CARMIL1: variants seen among roughly 807,000 people sequenced by gnomAD.
The protein encoded by CARMIL1 is F-actin-uncapping protein LRRC16A.
CARMIL1 carries 90 observed loss-of-function variants against 177.1 expected under a neutral mutation model. The observed-to-expected ratio is 0.51, with a 90% CI of 0.43 to 0.61. The LOEUF is 0.61. Ranked by LOEUF, CARMIL1 falls within the 20% of genes least tolerant of loss-of-function variation. CARMIL1 has a pLI of 0.00. For synonymous variants in CARMIL1, 577 were observed against 606.2 expected (o/e 0.95, Z 0.71); for missense variants, 1,380 against 1,667.0 (o/e 0.83, Z 3.00).
chr6:25,279,964 G>T lies in CARMIL1; in HGVS notation c.40+129G>T, dbSNP rs559977050. 32 of 1,096,724 alleles carry T rather than the reference G, an allele frequency of 2.9e-5. No homozygotes were observed. In the East Asian group the frequency reaches 7.6e-4, roughly 26 times the overall value. 67.9% of individuals were successfully genotyped at this position (1,096,724 alleles called of 1,614,324 possible). On this transcript the variant is annotated intron_variant, in intron 1 of 36. Coordinates refer to ENST00000329474, the MANE Select transcript of CARMIL1 (RefSeq NM_017640.6). ...GCCCCTTAGGGCAGAGTGGTGTTGGGCAGGGTCACTGGGGGTGCCGGGAAG... is the reference window on the plus strand; with the variant it reads ...GCCCCTTAGGGCAGAGTGGTGTTGGTCAGGGTCACTGGGGGTGCCGGGAAG...
chr6:25,430,794 C>A (rs889798675), intron 4 of CARMIL1, among the ~76,000 whole-genome samples: 1 of 152,066 alleles, frequency 6.6e-6, no homozygotes, highest in African/African-American at 2.4e-5. Flanking sequence ...ATTTATATTT[C>A]TTTTCTTGAA....
At chr6:25,316,513 G>C (rs4712907) in intron 2 of CARMIL1, among the ~76,000 whole-genome samples, 31,392 of 151,304 alleles carry the variant, frequency 0.21, 4,198 homozygotes, top group East Asian at 0.4. Flanking sequence ...GCGGGTTCAA[G>C]CGATTCTCCT....
At chr6:25,459,282 A>ATTTTTTT (rs1357546433) in intron 8 of CARMIL1, among the ~76,000 whole-genome samples, 1 of 18,258 alleles carries the variant, frequency 5.5e-5, no homozygotes, top group African/African-American at 1.6e-4. Flanking sequence ...TTTTTTTTTA[A>ATTTTTTT]GACAGGGTCT....
At chr6:25,290,205 C>T (rs1781830643) in intron 2 of CARMIL1, among the ~76,000 whole-genome samples, 1 of 152,080 alleles carries the variant, frequency 6.6e-6, no homozygotes, top group African/African-American at 2.4e-5. Context: ...AAGTGATCCT[C>T]CCACCTCAGC....
chr6:25,284,924 T>A lies in CARMIL1; in HGVS notation c.138+15T>A. ...ACAAAGTGCTGGTAAGTATTGCTGT[T>A]TATTTTTATTAAATGTTTGGAAATG... On this transcript the variant is annotated intron_variant, in intron 2 of 36. Transcript: ENST00000329474. 2.1e-6 allele frequency: 3 copies of A among 1,408,024 alleles called. No individual in the cohort carries two copies. Among genetic ancestry groups the A allele is most frequent in the Non-Finnish European group, 2.9e-6 (3 of 1,018,408 alleles). 87.2% of individuals were successfully genotyped at this position (1,408,024 alleles called of 1,614,324 possible). A position where few individuals can be genotyped will look rare whatever the true frequency, so the allele number is the denominator to read the frequency against.
At chr6:25,391,430 C>T (rs1471305777) in intron 2 of CARMIL1, among the ~76,000 whole-genome samples, 1 of 152,142 alleles carries the variant, frequency 6.6e-6, no homozygotes, top group Non-Finnish European at 1.5e-5. Flanking sequence ...GACAGGAGCC[C>T]TAAGGACCTT....
chr6:25,584,234 C>G (rs574367460), intron 31 of CARMIL1, among the ~76,000 whole-genome samples: 3 of 150,300 alleles, frequency 2.0e-5, no homozygotes, highest in South Asian at 4.3e-4. Flanking sequence ...GAGATGGGCT[C>G]TTGGTATGTT....
At chr6:25,451,908 A>G in intron 8 of CARMIL1, 1 of 572,896 alleles carries the variant, frequency 1.7e-6, no homozygotes, top group South Asian at 2.0e-5. Context: ...TTCCAGCTAT[A>G]TCATTTGTGC....
intron 16 of CARMIL1, among the ~76,000 whole-genome samples, chr6:25,497,197 G>C (rs141627886): frequency 1.0e-3 from 154 of 152,264 alleles, no homozygotes; most frequent in Non-Finnish European, 1.6e-3. Flanking sequence ...AAGTTCTCAG[G>C]TTTATGTGTG....
At chr6:25,466,697 T>C (rs1800629315) in intron 9 of CARMIL1, among the ~76,000 whole-genome samples, 2 of 152,154 alleles carry the variant, frequency 1.3e-5, no homozygotes, top group Non-Finnish European at 2.9e-5. Context: ...ACATCAGACT[T>C]GGAATGAGAC....
rs540422316 is a variant in CARMIL1, at chr6:25,598,300, G to A, written c.3120-2014G>A. Among the ~76,000 whole-genome samples, 47 of 151,946 alleles carry A rather than the reference G, an allele frequency of 3.1e-4. 1 individual carries two copies. Among genetic ancestry groups the A allele is most frequent in the South Asian group, 1.5e-3 (7 of 4,800 alleles). ...GTCACCCAGGCTATAGTGCAGTGGC[G>A]TGATCATGGCTCACTGCAACTTTGA... is the stretch of plus-strand genomic sequence containing the variant. On this transcript the variant is annotated intron_variant, in intron 32 of 36. Transcript: ENST00000329474.
intron 11 of CARMIL1, among the ~76,000 whole-genome samples, chr6:25,475,524 C>A (rs1343098340): frequency 6.6e-6 from 1 of 152,038 alleles, no homozygotes; most frequent in Non-Finnish European, 1.5e-5. Context: ...ATGTTTGTAG[C>A]AGTATTAGTT....
Position 25,517,604 on chromosome 6 carries a change from A to G in CARMIL1, c.1874+189A>G, listed in dbSNP as rs111299971. ...AATTTCTCCTGGTGGGAGTTTCCTT[A>G]TGTATGAAATGAGGGCACAGATGCC... On this transcript the variant is annotated intron_variant, in intron 22 of 36. Coordinates refer to ENST00000329474, the MANE Select transcript of CARMIL1 (RefSeq NM_017640.6). 4.1e-3 allele frequency among the ~76,000 whole-genome samples: 626 copies of G among 152,278 alleles called. 5 individuals carry two copies. Among genetic ancestry groups the G allele is most frequent in the African/African-American group, 0.014 (585 of 41,548 alleles).
chr6:25,287,354 T>C (rs1461241162), intron 2 of CARMIL1: 2 of 152,244 alleles, frequency 1.3e-5, no homozygotes, highest in African/African-American at 4.8e-5. Context: ...TTTATACTAT[T>C]TCTAGCTTAT....
intron 2 of CARMIL1, among the ~76,000 whole-genome samples, chr6:25,378,281 A>G (rs1358512317): frequency 6.6e-6 from 1 of 152,158 alleles, no homozygotes; most frequent in Non-Finnish European, 1.5e-5. Context: ...GACAGTTGAC[A>G]CTCAGAACTC....
chr6:25,322,153 C>T (rs892276248), intron 2 of CARMIL1, among the ~76,000 whole-genome samples: 7 of 151,936 alleles, frequency 4.6e-5, no homozygotes, highest in Non-Finnish European at 8.8e-5. Context: ...GACAGAGTCT[C>T]GCTCTGTCAC....
intron 23 of CARMIL1, chr6:25,527,606 C>A: frequency 2.6e-6 from 1 of 388,256 alleles, no homozygotes; most frequent in Non-Finnish European, 5.0e-6. Flanking sequence ...GAGATGACTT[C>A]TTGGGAAGCA....
Position 25,580,984 on chromosome 6 carries a change from G to T in CARMIL1, c.2803G>T (p.Ala935Ser). 5 of 1,596,722 alleles carry T rather than the reference G, an allele frequency of 3.1e-6. No individual in the cohort carries two copies. Among genetic ancestry groups the T allele is most frequent in the Non-Finnish European group, 4.3e-6 (5 of 1,170,928 alleles). ...HSRMLRPVSRAFEMEFDLDKA... is the reference protein window; with the variant it reads ...HSRMLRPVSRSFEMEFDLDKA... The stretch of plus-strand genomic sequence containing the variant: ...CCGAATGCTGCGGCCTGTTTCTAGG[G>T]CTTTTGGTAAGTGTTTTGCTGCTGC... The change falls in exon 30 of 37, where the codon GCT (alanine) becomes TCT (serine). Residue 935 changes from alanine (A) to serine (S), a missense_variant. Transcript: ENST00000329474.
chr6:25,297,988 T>C (rs561685908), intron 2 of CARMIL1, among the ~76,000 whole-genome samples: 86 of 152,368 alleles, frequency 5.6e-4, no homozygotes, highest in African/African-American at 1.9e-3. Flanking sequence ...ACATTTAAAT[T>C]CTGAAATGGC....
Sources: allele counts gnomAD v4.1 joint callset (sites outside exome capture counted in the v4.1 genomes callset), GRCh38; gene constraint gnomAD v4.1.1; transcripts MANE v1.5; gene names NCBI Gene and HGNC (gene_info 2026-07-23, HGNC 2026-07-21).